ACKR2: variants seen among roughly 807,000 people sequenced by gnomAD.
ACKR2 encodes the protein C-C chemokine receptor D6.
For synonymous variants in ACKR2, 207 were observed against 192.2 expected (o/e 1.08, Z -0.64); for missense variants, 457 against 477.3 (o/e 0.96, Z 0.40).
intron 2 of ACKR2, among the ~76,000 whole-genome samples, chr3:42,845,103 C>T (rs2125615499): frequency 6.6e-6 from 1 of 152,280 alleles, no homozygotes; most frequent in East Asian, 1.9e-4. Flanking sequence ...GTCCCTGTGC[C>T]CCCTAAGTCC....
Position 42,866,011 on chromosome 3 carries a change from C to G in ACKR2, c.*354C>G, listed in dbSNP as rs2088432667. On this transcript the variant is annotated 3_prime_UTR_variant, in exon 3 of 3. Transcript: ENST00000422265. ...TCTGACAGGGTCTTGCTCTATTGCT[C>G]TGTCACCCAGGCTGGAATGCAGTGG... 4.3e-6 allele frequency: 1 copy of G among 231,680 alleles called. No homozygotes were observed. The highest frequency in any genetic ancestry group is 5.5e-5 in the Admixed American group (1 of 18,276). The allele number at this position is 231,680 out of a possible 1,614,324, so 14.4% of individuals were successfully genotyped here.
At chr3:42,856,604 A>G (rs1224706539) in intron 2 of ACKR2, 3 of 552,716 alleles carry the variant, frequency 5.4e-6, no homozygotes, top group Non-Finnish European at 9.6e-6. Flanking sequence ...AGAATAAATA[A>G]TTTACAGAAG....
chr3:42,814,246 A>G (rs1279252540), intron 1 of ACKR2, among the ~76,000 whole-genome samples: 1 of 152,236 alleles, frequency 6.6e-6, no homozygotes, highest in East Asian at 1.9e-4. Context: ...AACATGCAAC[A>G]TCTATTATTC....
chr3:42,853,796 G>A (rs1559692205), intron 2 of ACKR2, among the ~76,000 whole-genome samples: 1 of 152,194 alleles, frequency 6.6e-6, no homozygotes, highest in Admixed American at 6.5e-5. Context: ...ACCCTAGATT[G>A]TATTTTAAAG....
intron 1 of ACKR2, among the ~76,000 whole-genome samples, chr3:42,809,894 G>A (rs1700677872): frequency 6.6e-6 from 1 of 151,906 alleles, no homozygotes; most frequent in South Asian, 2.1e-4. Context: ...AAGCTTAGAG[G>A]TTCTGGTTTC....
At chr3:42,810,769 C>G (rs978234535) in intron 1 of ACKR2, among the ~76,000 whole-genome samples, 6 of 152,262 alleles carry the variant, frequency 3.9e-5, no homozygotes, top group African/African-American at 1.2e-4. Flanking sequence ...AGACACCCCT[C>G]TGCGCAAAAG....
Position 42,865,908 on chromosome 3 carries a change from T to G in ACKR2, c.*251T>G. On this transcript the variant is annotated 3_prime_UTR_variant, in exon 3 of 3. Transcript: ENST00000422265. ...CTTCCTTCCTTGCTTCCTTCCTTCC[T>G]TCCTTCCCTCTCTCCCTCCCTCCCT... The G allele has an allele frequency of 1.3e-5, 6 of 449,074 alleles. No individual in the cohort carries two copies. Among genetic ancestry groups the G allele is most frequent in the Non-Finnish European group, 1.2e-5 (3 of 244,246 alleles). 27.8% of individuals were successfully genotyped at this position (449,074 alleles called of 1,614,324 possible). A position where few individuals can be genotyped will look rare whatever the true frequency, so the allele number is the denominator to read the frequency against.
rs774968799 is a variant in ACKR2, at chr3:42,865,392, CAG to C, written c.895_896del (p.Ser299HisfsTer50). ...CATCTAGACTACGCACTCCAGGTAA[CAG>C]AGAGCATCGCCTTCCTTCACTGCTG... On this transcript the variant is annotated frameshift_variant, in exon 3 of 3. Coordinates refer to ENST00000422265, the MANE Select transcript of ACKR2 (RefSeq NM_001296.5). LOFTEE classifies it low-confidence loss of function (END_TRUNC). 2.2e-4 allele frequency: 349 copies of C among 1,614,212 alleles called. No homozygotes were observed. Among genetic ancestry groups the C allele is most frequent in the Non-Finnish European group, 1.9e-4 (225 of 1,180,044 alleles).
intron 2 of ACKR2, chr3:42,856,522 G>A: frequency 1.5e-6 from 1 of 645,496 alleles, no homozygotes. Flanking sequence ...GAAAATGTTT[G>A]CAATACATAT....
rs566584454 is a variant in ACKR2 at position 42,819,038 on chromosome 3, CCTGA to C, written c.-118-590_-118-587del. 4.6e-5 allele frequency among the ~76,000 whole-genome samples: 7 copies of C among 152,214 alleles called. No homozygotes were observed. In the South Asian group the frequency reaches 1.5e-3, roughly 32 times the overall value. On this transcript the variant is annotated intron_variant, in intron 1 of 2. Coordinates refer to ENST00000422265, the MANE Select transcript of ACKR2 (RefSeq NM_001296.5). ...GGTGGGATGGTGGGCACAGAATTTT[CCTGA>C]CTAAGCCGAAGCTCTCCTGCCTCTT...
intron 2 of ACKR2, among the ~76,000 whole-genome samples, chr3:42,823,709 C>T (rs888281973): frequency 2.6e-5 from 4 of 152,210 alleles, no homozygotes; most frequent in Non-Finnish European, 5.9e-5. Context: ...AACACAGTTG[C>T]ATAGGATGGC....
At chr3:42,849,968 G>A (rs1211966581) in intron 2 of ACKR2, among the ~76,000 whole-genome samples, 1 of 152,158 alleles carries the variant, frequency 6.6e-6, no homozygotes. Context: ...AGGGGAAGCT[G>A]GCAGACAGGT....
intron 2 of ACKR2, among the ~76,000 whole-genome samples, chr3:42,840,221 A>G (rs1399176768): frequency 1.4e-5 from 2 of 140,386 alleles, no homozygotes; most frequent in Non-Finnish European, 3.1e-5. Context: ...GATCGCGCCA[A>G]TGCACACCAG....
intron 2 of ACKR2, among the ~76,000 whole-genome samples, chr3:42,838,082 A>G (rs1216887969): frequency 6.6e-6 from 1 of 152,212 alleles, no homozygotes; most frequent in Non-Finnish European, 1.5e-5. Flanking sequence ...AAATTATAAA[A>G]TTTCTAGGAG....
intron 1 of ACKR2, among the ~76,000 whole-genome samples, chr3:42,815,539 C>T (rs1249169677): frequency 6.6e-6 from 1 of 152,214 alleles, no homozygotes; most frequent in African/African-American, 2.4e-5. Flanking sequence ...GACAAAAATA[C>T]ACTTCCCAGA....
Position 42,845,518 on chromosome 3 carries a change from T to C in ACKR2, c.-37-18948T>C, listed in dbSNP as rs1459497843. Among the ~76,000 whole-genome samples, 18 of 152,262 alleles carry C rather than the reference T, an allele frequency of 1.2e-4. No individual in the cohort carries two copies. The East Asian group carries it at 2.1e-3, about 18-fold the overall frequency. ...CTGGAACTACAGGTGCATGGGACCA[T>C]ATCTGGCTAATTTTTTTGTATTTTT... On this transcript the variant is annotated intron_variant, in intron 2 of 2. Transcript: ENST00000422265.
rs745405456 is a variant in ACKR2, at chr3:42,865,319, C to T, written c.817C>T (p.His273Tyr). 6.8e-6 allele frequency: 11 copies of T among 1,614,114 alleles called. No individual in the cohort carries two copies. In the East Asian group the frequency reaches 1.8e-4, roughly 26 times the overall value. ...WFPYNLTLFL[H>Y]TLLDLQVFGN... ...CCCATACAATCTCACCTTGTTTCTG[C>T]ATACGCTGTTGGACCTGCAAGTATT... The change falls in exon 3 of 3, where the codon CAT becomes TAT. Residue 273 changes from histidine (H) to tyrosine (Y), a missense_variant. By Grantham distance (83) the His-to-Tyr change is moderately conservative. Coordinates refer to ENST00000422265, the MANE Select transcript of ACKR2 (RefSeq NM_001296.5).
chr3:42,862,386 C>T (rs1171413579), intron 2 of ACKR2, among the ~76,000 whole-genome samples: 1 of 152,192 alleles, frequency 6.6e-6, no homozygotes, highest in African/African-American at 2.4e-5. Flanking sequence ...GAAAAACATT[C>T]CACGCTCATG....
At chr3:42,840,259 C>CAAAA (rs34830187) in intron 2 of ACKR2, among the ~76,000 whole-genome samples, 6 of 34,664 alleles carry the variant, frequency 1.7e-4, no homozygotes, top group African/African-American at 6.5e-4. Context: ...GACTCCGTCT[C>CAAAA]AAAAAAAAAA....
Sources: allele counts gnomAD v4.1 joint callset (sites outside exome capture counted in the v4.1 genomes callset), GRCh38; gene constraint gnomAD v4.1.1; transcripts MANE v1.5; gene names NCBI Gene and HGNC (gene_info 2026-07-23, HGNC 2026-07-21).